Variants in RHOBTB1 observed in about 807,000 individuals in gnomAD.
RHOBTB1 encodes the protein rho-related BTB domain-containing protein 1.
RHOBTB1 carries 40 observed loss-of-function variants against 71.6 expected under a neutral mutation model. The observed-to-expected ratio is 0.56, with a 90% CI of 0.43 to 0.73. The LOEUF is 0.73. RHOBTB1 is among the 30% of genes least tolerant of loss of function. The pLI is 0.00. For missense variants in RHOBTB1, 797 were observed against 894.0 expected, an observed-to-expected ratio of 0.89 and a Z score of 1.38; for synonymous variants, 319 against 334.9, an observed-to-expected ratio of 0.95 and a Z score of 0.52.
At chr10:60,918,988 C>A (rs1034265237) in intron 2 of RHOBTB1, among the ~76,000 whole-genome samples, 4 of 152,126 alleles carry the variant, frequency 2.6e-5, no homozygotes, top group African/African-American at 7.2e-5. Context: ...TCAGGTGATT[C>A]ACCCACCTCG....
At chr10:60,980,150 C>T (rs1028868214) in intron 2 of RHOBTB1, among the ~76,000 whole-genome samples, 8 of 152,122 alleles carry the variant, frequency 5.3e-5, no homozygotes, top group Non-Finnish European at 7.4e-5. Context: ...CAGTTAAATT[C>T]ATTAAAATTA....
At chr10:60,910,015 T>G (rs2133359582) in intron 4 of RHOBTB1, among the ~76,000 whole-genome samples, 1 of 152,348 alleles carries the variant, frequency 6.6e-6, no homozygotes, top group South Asian at 2.1e-4. Flanking sequence ...AAGGAGTAAT[T>G]CACGTGCTTG....
At position 60,889,873 on chromosome 10, in the gene RHOBTB1, C is replaced by T. The variant is rs556980956; in HGVS notation, c.483-688G>A. Among the ~76,000 whole-genome samples the T allele has an allele frequency of 8.5e-5, 13 of 152,284 alleles. No homozygotes were observed. In the East Asian group the frequency reaches 2.3e-3, roughly 27 times the overall value. Reference sequence around the variant, plus strand: ...CATAGTATTTTGTCGACAGTAAGTGCCTGATAAATGTTAGCTGTTATCATC... The same window carrying T: ...CATAGTATTTTGTCGACAGTAAGTGTCTGATAAATGTTAGCTGTTATCATC... On this transcript the variant is annotated intron_variant, in intron 5 of 10. Coordinates refer to ENST00000337910, the MANE Select transcript of RHOBTB1 (RefSeq NM_014836.5).
At chr10:60,947,353 CTT>C (rs2085271956), upstream of RHOBTB1, among the ~76,000 whole-genome samples, 1 of 152,070 alleles carries the variant, frequency 6.6e-6, no homozygotes, top group Admixed American at 6.6e-5. Flanking sequence ...GATTTTAAAA[CTT>C]TTGACTAGTT....
chr10:60,971,162 C>A (rs1180124085), intron 2 of RHOBTB1, among the ~76,000 whole-genome samples: 1 of 151,962 alleles, frequency 6.6e-6, no homozygotes, highest in Non-Finnish European at 1.5e-5. Flanking sequence ...TATTTTTTCA[C>A]TTTGTATTTG....
At chr10:60,983,312 T>C in intron 2 of RHOBTB1, among the ~76,000 whole-genome samples, 1 of 152,298 alleles carries the variant, frequency 6.6e-6, no homozygotes, top group East Asian at 1.9e-4. Flanking sequence ...CATAGATCAT[T>C]GCTTAAATGA....
At chr10:60,920,894 C>A (rs1410621066) in intron 2 of RHOBTB1, among the ~76,000 whole-genome samples, 1 of 151,298 alleles carries the variant, frequency 6.6e-6, no homozygotes, top group African/African-American at 2.4e-5. Flanking sequence ...TGAGCTCAAG[C>A]GATCCTCCCA....
At chr10:60,893,581 AT>A (rs2082026095) in intron 4 of RHOBTB1, among the ~76,000 whole-genome samples, 1 of 152,206 alleles carries the variant, frequency 6.6e-6, no homozygotes, top group Non-Finnish European at 1.5e-5. Flanking sequence ...ATTTGCAGGA[AT>A]TTTGACTCTT....
intron 1 of RHOBTB1, among the ~76,000 whole-genome samples, chr10:61,000,683 C>T (rs2087231811): frequency 6.6e-6 from 1 of 151,290 alleles, no homozygotes; most frequent in Admixed American, 6.6e-5. Flanking sequence ...TTTTTTAATT[C>T]CCAAGTGTTA....
intron 2 of RHOBTB1, among the ~76,000 whole-genome samples, chr10:60,970,419 C>T (rs1417671098): frequency 6.6e-6 from 1 of 151,982 alleles, no homozygotes; most frequent in Admixed American, 6.6e-5. Flanking sequence ...TAATAACATG[C>T]ATTTTTCCTT....
At chr10:60,911,042 A>G in intron 3 of RHOBTB1, 52 bp from the exon 4 acceptor site, 1 of 1,464,444 alleles carries the variant, frequency 6.8e-7, no homozygotes, top group South Asian at 1.1e-5. Flanking sequence ...GAAGTTCCCC[A>G]GGAGAAGCGT....
At chr10:60,875,318 A>G (rs530938445) in intron 8 of RHOBTB1, among the ~76,000 whole-genome samples, 3 of 152,358 alleles carry the variant, frequency 2.0e-5, no homozygotes, top group East Asian at 3.9e-4. Context: ...GTGCAGGATG[A>G]TAACTCCTGG....
At chr10:60,895,963 T>C (rs2082143298) in intron 4 of RHOBTB1, among the ~76,000 whole-genome samples, 1 of 152,260 alleles carries the variant, frequency 6.6e-6, no homozygotes, top group East Asian at 1.9e-4. Flanking sequence ...TTGTAACTCC[T>C]AATTCTCAAC....
At chr10:60,946,886 A>G (rs2085256515), upstream of RHOBTB1, among the ~76,000 whole-genome samples, 1 of 152,238 alleles carries the variant, frequency 6.6e-6, no homozygotes, top group African/African-American at 2.4e-5. Flanking sequence ...GAATGCCTAA[A>G]TCTGAGGGAA....
intron 2 of RHOBTB1, among the ~76,000 whole-genome samples, chr10:60,936,164 G>A (rs977889237): frequency 5.3e-5 from 8 of 152,148 alleles, no homozygotes; most frequent in South Asian, 2.1e-4. Flanking sequence ...TCTGACGTAC[G>A]TCTTTGATGT....
chr10:60,882,311 A>C (rs901157928), intron 7 of RHOBTB1, among the ~76,000 whole-genome samples: 1 of 152,128 alleles, frequency 6.6e-6, no homozygotes, highest in South Asian at 2.1e-4. Context: ...AGCTGAGACT[A>C]TTAGGCTTAT....
intron 2 of RHOBTB1, among the ~76,000 whole-genome samples, chr10:60,932,549 C>T (rs897030626): frequency 7.1e-6 from 1 of 141,364 alleles, no homozygotes; most frequent in Non-Finnish European, 1.5e-5. Context: ...AACAAGAAAC[C>T]CTACACATGG....
intron 4 of RHOBTB1, among the ~76,000 whole-genome samples, chr10:60,898,790 T>C (rs979364317): frequency 6.6e-6 from 1 of 152,200 alleles, no homozygotes; most frequent in Non-Finnish European, 1.5e-5. Context: ...TCCAAGCCCG[T>C]ATCTGCATGT....
At chr10:60,902,216 G>C (rs2082446639) in intron 4 of RHOBTB1, among the ~76,000 whole-genome samples, 1 of 152,206 alleles carries the variant, frequency 6.6e-6, no homozygotes, top group Admixed American at 6.5e-5. Flanking sequence ...CTGTGCGCCA[G>C]ATGATTCAGC....
Sources: gnomAD v4.1 joint callset for allele counts (sites outside exome capture counted in the v4.1 genomes callset) on GRCh38, gnomAD v4.1.1 for gene constraint, MANE v1.5 for transcripts, NCBI Gene and HGNC (gene_info 2026-07-23, HGNC 2026-07-21) for gene names.